The following APPL2 variants were observed in gnomAD, a reference collection of about 807,000 sequenced individuals.
APPL2 encodes adaptor protein, phosphotyrosine interacting with PH domain and leucine zipper 2.
A neutral mutation model predicts 92.7 loss-of-function variants in APPL2; 84 were observed. The observed-to-expected ratio is 0.91, with a 90% CI of 0.76 to 1.09. The LOEUF is 1.09. APPL2 is among the 50% of genes least tolerant of loss of function. The probability of loss-of-function intolerance (pLI) is 0.00; values close to 1 mark genes in which losing one functional copy is unlikely to be tolerated. For synonymous variants in APPL2, 291 were observed against 291.0 expected (o/e 1.00, Z 0.00); for missense variants, 736 against 824.5 (o/e 0.89, Z 1.31).
At chr12:105,210,369 T>C (rs1196758) in intron 5 of APPL2, among the ~76,000 whole-genome samples, 63,714 of 152,040 alleles carry the variant, frequency 0.42, 14,661 homozygotes, top group East Asian at 0.65. Flanking sequence ...AGTAATATAC[T>C]GACCAGATCT....
intron 17 of APPL2, among the ~76,000 whole-genome samples, chr12:105,183,358 T>C (rs1886301141): frequency 6.6e-6 from 1 of 152,206 alleles, no homozygotes; most frequent in African/African-American, 2.4e-5. Flanking sequence ...GTGCTGATGG[T>C]TTTTACATTT....
At chr12:105,179,559 C>T (rs924492048) in intron 17 of APPL2, among the ~76,000 whole-genome samples, 10 of 152,196 alleles carry the variant, frequency 6.6e-5, no homozygotes, top group African/African-American at 2.4e-4. Context: ...GGAATCGCCA[C>T]ACTGTCTTCC....
chr12:105,206,946 G>A (rs1888750924), intron 8 of APPL2, 115 bp downstream of exon 8: 7 of 1,334,562 alleles, frequency 5.2e-6, no homozygotes, highest in African/African-American at 2.9e-5. Context: ...AGTAGCCAGG[G>A]AGATTGTGCA....
Position 105,203,718 on chromosome 12 carries a change from G to C in APPL2, c.689C>G (p.Ala230Gly). The change falls in exon 9 of 21, where the codon GCA becomes GGA. Residue 230 changes from alanine to glycine, a missense_variant. Ala to Gly is a moderately conservative substitution (Grantham distance 60, BLOSUM62 0). Transcript: ENST00000258530. ...KRMDSFLSSV[A>G]DMVQSIQVEL... ...GCAGCATTACCTTTGAACCATGTCT[G>C]CAACGGAGGATAAAAAGCTGTCCAT... 2 of 1,614,182 alleles carry C rather than the reference G, an allele frequency of 1.2e-6. No individual in the cohort carries two copies. The highest frequency in any genetic ancestry group is 2.2e-5 in the East Asian group (1 of 44,886).
intron 1 of APPL2, chr12:105,233,359 A>C: frequency 1.0e-6 from 1 of 985,486 alleles, no homozygotes; most frequent in Non-Finnish European, 1.2e-6. Flanking sequence ...CACATATGAG[A>C]GGTAAGCAGA....
At chr12:105,209,076 C>T (rs186893770) in intron 5 of APPL2, among the ~76,000 whole-genome samples, 2 of 152,204 alleles carry the variant, frequency 1.3e-5, no homozygotes, top group Admixed American at 1.3e-4. Flanking sequence ...CTTTCTTTCT[C>T]TCCCATCTTT....
At chr12:105,220,177 C>T (rs545482538) in intron 2 of APPL2, among the ~76,000 whole-genome samples, 8 of 152,290 alleles carry the variant, frequency 5.3e-5, no homozygotes, top group African/African-American at 1.7e-4. Context: ...CTAAATGCTA[C>T]TGAGATCCCA....
chr12:105,192,924 T>C (rs1433381232), intron 14 of APPL2, among the ~76,000 whole-genome samples: 4 of 152,188 alleles, frequency 2.6e-5, no homozygotes, highest in African/African-American at 4.8e-5. Context: ...TAGAAGTAAA[T>C]AGCAGTTTGT....
At chr12:105,223,380 C>G (rs1417405152) in intron 2 of APPL2, among the ~76,000 whole-genome samples, 1 of 152,158 alleles carries the variant, frequency 6.6e-6, no homozygotes, top group Non-Finnish European at 1.5e-5. Flanking sequence ...GGAGTGAACA[C>G]AGACTCGCCA....
intron 4 of APPL2, among the ~76,000 whole-genome samples, chr12:105,212,670 C>G (rs1330178205): frequency 6.6e-6 from 1 of 152,240 alleles, no homozygotes; most frequent in Non-Finnish European, 1.5e-5. Context: ...GGGATTCCTG[C>G]TGGGTGACTA....
intron 14 of APPL2, among the ~76,000 whole-genome samples, chr12:105,194,122 A>T (rs1037655637): frequency 6.6e-6 from 1 of 152,230 alleles, no homozygotes; most frequent in African/African-American, 2.4e-5. Context: ...TTTGTAAAAA[A>T]TGTAATGGGG....
intron 10 of APPL2, 92 bp downstream of exon 10, chr12:105,199,281 C>A: frequency 6.8e-7 from 1 of 1,466,470 alleles, no homozygotes; most frequent in Non-Finnish European, 9.2e-7. Flanking sequence ...ACCCACCTCC[C>A]TCTGACTTTA....
intron 4 of APPL2, among the ~76,000 whole-genome samples, chr12:105,212,798 G>T (rs1442104772): frequency 6.6e-6 from 1 of 152,190 alleles, no homozygotes. Flanking sequence ...AACAGATCTG[G>T]TCCTTCGAGG....
At chr12:105,217,270 G>A (rs1295877658) in intron 3 of APPL2, 130 bp from the exon 4 acceptor site, 2 of 622,024 alleles carry the variant, frequency 3.2e-6, no homozygotes, top group African/African-American at 1.8e-5. Flanking sequence ...TATCAGAAGT[G>A]TCTACCTGAA....
chr12:105,216,104 G>C (rs1889667684), intron 4 of APPL2, among the ~76,000 whole-genome samples: 1 of 152,132 alleles, frequency 6.6e-6, no homozygotes, highest in African/African-American at 2.4e-5. Flanking sequence ...TAGCATCTGA[G>C]CTCTTATGTT....
intron 8 of APPL2, among the ~76,000 whole-genome samples, chr12:105,205,260 C>A (rs1888600246): frequency 6.6e-6 from 1 of 152,240 alleles, no homozygotes; most frequent in African/African-American, 2.4e-5. Flanking sequence ...TTGTTTCCAT[C>A]TGCATTTAAA....
intron 16 of APPL2, among the ~76,000 whole-genome samples, chr12:105,189,229 C>A (rs964036421): frequency 2.0e-5 from 3 of 152,234 alleles, no homozygotes; most frequent in South Asian, 2.1e-4. Flanking sequence ...AGGGTTCTCA[C>A]TGTGTTGCCC....
At chr12:105,174,927 A>G (rs1483575238) in intron 20 of APPL2, among the ~76,000 whole-genome samples, 1 of 145,232 alleles carries the variant, frequency 6.9e-6, no homozygotes, top group Non-Finnish European at 1.5e-5. Context: ...TCTATCGCCC[A>G]GGCTGGAGAG....
chr12:105,220,717 T>C (rs1278699995), intron 2 of APPL2, among the ~76,000 whole-genome samples: 5 of 152,104 alleles, frequency 3.3e-5, no homozygotes, highest in Non-Finnish European at 5.9e-5. Context: ...CCGAATGTAA[T>C]GGAAAGACCT....
Sources: allele counts gnomAD v4.1 joint callset (sites outside exome capture counted in the v4.1 genomes callset), GRCh38; gene constraint gnomAD v4.1.1; transcripts MANE v1.5; gene names NCBI Gene and HGNC (gene_info 2026-07-23, HGNC 2026-07-21).